The following FGF14 variants were observed in gnomAD, a reference collection of about 807,000 sequenced individuals.
FGF14 encodes fibroblast growth factor homologous factor 4.
Under a neutral mutation model 25.5 loss-of-function variants are expected in FGF14, and 5 were observed. The ratio of observed to expected loss-of-function variants is 0.20; its 90% CI spans 0.10 to 0.41. FGF14 has a LOEUF of 0.41. FGF14 is among the 10% of genes least tolerant of loss of function. FGF14 has a pLI of 1.00. For synonymous variants in FGF14, 138 were observed against 118.3 expected, an observed-to-expected ratio of 1.17 and a Z score of -1.08; for missense variants, 222 against 320.1, an observed-to-expected ratio of 0.69 and a Z score of 2.34.
intron 1 of FGF14, among the ~76,000 whole-genome samples, chr13:101,971,834 C>G (rs1295682097): frequency 6.6e-6 from 1 of 152,190 alleles, no homozygotes; most frequent in Non-Finnish European, 1.5e-5. Context: ...AAGTTGCTGT[C>G]CCTTATAAAA....
At chr13:101,796,659 G>T (rs1192133086) in intron 3 of FGF14, among the ~76,000 whole-genome samples, 1 of 151,992 alleles carries the variant, frequency 6.6e-6, no homozygotes, top group Non-Finnish European at 1.5e-5. Flanking sequence ...TAGGCATTCA[G>T]AGAGGAATGA....
chr13:101,913,368 C>T (rs2033149865), intron 1 of FGF14, among the ~76,000 whole-genome samples: 1 of 152,140 alleles, frequency 6.6e-6, no homozygotes, highest in Non-Finnish European at 1.5e-5. Flanking sequence ...TTCTGTCCTT[C>T]ACAAGAGTAA....
In FGF14 at chr13:102,358,261, G is replaced by C. The variant is rs187063185; in HGVS notation, c.208+43210C>G. Among the ~76,000 whole-genome samples, 18 of 152,176 alleles carry C rather than the reference G, an allele frequency of 1.2e-4. 1 individual carries two copies. In the East Asian group the frequency reaches 3.5e-3, roughly 29 times the overall value. On this transcript the variant is annotated intron_variant, in intron 1 of 4. Coordinates refer to the FGF14 transcript ENST00000376131. ...ATTTTCAGGAATACATTAATTATATGAAACAAGTAATTTATCATCACTGTC... is the reference window on the plus strand; with the variant it reads ...ATTTTCAGGAATACATTAATTATATCAAACAAGTAATTTATCATCACTGTC...
intron 3 of FGF14, among the ~76,000 whole-genome samples, chr13:101,840,464 CACTAATATAATTATTA>C (rs1235129666): frequency 6.6e-6 from 1 of 151,322 alleles, no homozygotes; most frequent in African/African-American, 2.4e-5. Context: ...AACTCTTATT[CACTAATATAATTATTA>C]ATATATAATT....
At chr13:102,161,616 G>GA (rs1285154281) in intron 1 of FGF14, among the ~76,000 whole-genome samples, 46 of 3,720 alleles carry the variant, frequency 0.012, 3 homozygotes, top group Non-Finnish European at 7.1e-3. Flanking sequence ...AGAAGAAGAA[G>GA]AAGAAGAAGA....
chr13:101,910,115 G>GA (rs2032750284), intron 1 of FGF14, among the ~76,000 whole-genome samples: 1 of 151,678 alleles, frequency 6.6e-6, no homozygotes, highest in Non-Finnish European at 1.5e-5. Flanking sequence ...AGGGGGGAGG[G>GA]ATAGCATTAG....
At chr13:101,849,671 T>C (rs755732348) in intron 3 of FGF14, among the ~76,000 whole-genome samples, 8 of 151,982 alleles carry the variant, frequency 5.3e-5, no homozygotes, top group Non-Finnish European at 1.2e-4. Flanking sequence ...AAGAAATGGA[T>C]GAGAGAGAGA....
At chr13:101,996,852 T>C (rs1021667591) in intron 1 of FGF14, among the ~76,000 whole-genome samples, 5 of 151,940 alleles carry the variant, frequency 3.3e-5, no homozygotes, top group South Asian at 4.1e-4. Flanking sequence ...CTTCCAAACA[T>C]AGAGAGGAAG....
chr13:101,739,056 AT>A (rs2036372544), intron 3 of FGF14, among the ~76,000 whole-genome samples: 1 of 146,092 alleles, frequency 6.8e-6, no homozygotes. Flanking sequence ...TACAAAGATG[AT>A]TCTTCCCACC....
chr13:101,938,774 A>G (rs1425738502), intron 1 of FGF14, among the ~76,000 whole-genome samples: 1 of 152,166 alleles, frequency 6.6e-6, no homozygotes, highest in Non-Finnish European at 1.5e-5. Context: ...AAATGTACCA[A>G]ACTTTGCTTT....
intron 1 of FGF14, among the ~76,000 whole-genome samples, chr13:102,264,941 T>C (rs72647446): frequency 0.039 from 5,923 of 152,112 alleles, 196 homozygotes; most frequent in Admixed American, 0.1. Context: ...TGAGAGTAGA[T>C]AGGAGGAGGA....
At chr13:101,851,272 A>G (rs1225806472) in intron 3 of FGF14, among the ~76,000 whole-genome samples, 3 of 152,056 alleles carry the variant, frequency 2.0e-5, no homozygotes, top group Non-Finnish European at 4.4e-5. Context: ...CAGCAAGGTC[A>G]GGATGGTGCT....
chr13:101,998,091 T>C (rs1187154850), intron 1 of FGF14, among the ~76,000 whole-genome samples: 2 of 152,070 alleles, frequency 1.3e-5, no homozygotes, highest in East Asian at 3.9e-4. Context: ...GATTTGCTAA[T>C]TGGGTTAAGA....
intron 3 of FGF14, among the ~76,000 whole-genome samples, chr13:101,823,626 G>T (rs564856781): frequency 6.7e-6 from 1 of 150,230 alleles, no homozygotes; most frequent in African/African-American, 2.4e-5. Flanking sequence ...TAGTAGAGAC[G>T]GGGTTTCTCC....
intron 1 of FGF14, among the ~76,000 whole-genome samples, chr13:102,326,650 G>A (rs1404305685): frequency 1.5e-4 from 13 of 84,036 alleles, no homozygotes; most frequent in South Asian, 4.8e-4. Context: ...AAAGGGAGGA[G>A]AAGGGAGGGG....
At chr13:101,968,083 G>A (rs2037329813) in intron 1 of FGF14, among the ~76,000 whole-genome samples, 1 of 152,152 alleles carries the variant, frequency 6.6e-6, no homozygotes, top group South Asian at 2.1e-4. Context: ...TAGCATGACT[G>A]ATGACTTGGA....
intron 1 of FGF14, among the ~76,000 whole-genome samples, chr13:101,906,342 A>G (rs2032242106): frequency 6.6e-6 from 1 of 152,194 alleles, no homozygotes; most frequent in South Asian, 2.1e-4. Context: ...GGGTTAAACA[A>G]TTGTAAGTTG....
chr13:102,360,633 T>C (rs746868415), intron 1 of FGF14, among the ~76,000 whole-genome samples: 7 of 152,116 alleles, frequency 4.6e-5, no homozygotes, highest in Non-Finnish European at 8.8e-5. Context: ...TCACAGGTAA[T>C]ACCTCCACAG....
At chr13:101,810,938 CACTT>C (rs1314767291) in intron 3 of FGF14, among the ~76,000 whole-genome samples, 1 of 152,012 alleles carries the variant, frequency 6.6e-6, no homozygotes, top group Non-Finnish European at 1.5e-5. Flanking sequence ...AAAAAACACA[CACTT>C]AATTTTTAGA....
Sources: allele counts gnomAD v4.1 joint callset (sites outside exome capture counted in the v4.1 genomes callset), GRCh38; gene constraint gnomAD v4.1.1; transcripts MANE v1.5; gene names NCBI Gene and HGNC (gene_info 2026-07-23, HGNC 2026-07-21).